Variants in DNM3 observed in about 807,000 individuals in gnomAD.
DNM3 encodes the protein dynamin 3.
A neutral mutation model predicts 101.6 loss-of-function variants in DNM3; 47 were observed. The ratio of observed to expected loss-of-function variants is 0.46; its 90% CI spans 0.37 to 0.59. The LOEUF (loss-of-function observed/expected upper bound fraction) is 0.59. Ranked by LOEUF, DNM3 falls within the 20% of genes least tolerant of loss-of-function variation. The pLI is 0.00. For synonymous variants in DNM3, 385 were observed against 387.9 expected (o/e 0.99, Z 0.09); for missense variants, 849 against 1,085.7 (o/e 0.78, Z 3.06).
At position 171,909,118 on chromosome 1, in the gene DNM3, A is replaced by G. The variant is rs1333516004; in HGVS notation, c.162-12630A>G. Among the ~76,000 whole-genome samples the G allele has an allele frequency of 2.0e-5, 3 of 152,214 alleles. No individual in the cohort carries two copies. In the East Asian group the frequency reaches 5.8e-4, roughly 29 times the overall value. ...CTAACAGTCCCAGTTATGAAAGTGA[A>G]AACAGAAAGCTTTAAGATTATTTAG... On this transcript the variant is annotated intron_variant, in intron 1 of 20. Transcript: ENST00000627582.
chr1:172,014,107 T>C (rs892902389), intron 4 of DNM3, among the ~76,000 whole-genome samples: 2 of 151,836 alleles, frequency 1.3e-5, no homozygotes, highest in African/African-American at 4.8e-5. Context: ...TTTGCAACGG[T>C]GAAAATATGG....
intron 2 of DNM3, among the ~76,000 whole-genome samples, chr1:171,983,398 C>CAGTGAGTAATGATGCACCACTCCA (rs2044975981): frequency 8.1e-4 from 96 of 119,178 alleles, no homozygotes; most frequent in Middle Eastern, 4.2e-3. Context: ...GTTGAGGCTG[C>CAGTGAGTAATGATGCACCACTCCA]CTTAAACCTC....
At chr1:172,238,885 C>T (rs1279946227) in intron 14 of DNM3, among the ~76,000 whole-genome samples, 3 of 151,942 alleles carry the variant, frequency 2.0e-5, no homozygotes, top group African/African-American at 4.8e-5. Context: ...GAGACCCTTG[C>T]TCAGTTTTTA....
At chr1:171,926,997 A>G (rs1269185608) in intron 2 of DNM3, among the ~76,000 whole-genome samples, 1 of 152,178 alleles carries the variant, frequency 6.6e-6, no homozygotes, top group African/African-American at 2.4e-5. Context: ...TAATACAAGG[A>G]TGTCTGCTCT....
At chr1:171,952,050 T>A (rs778328527) in intron 2 of DNM3, among the ~76,000 whole-genome samples, 14 of 152,146 alleles carry the variant, frequency 9.2e-5, no homozygotes, top group Non-Finnish European at 1.6e-4. Context: ...CTCAAGTCAG[T>A]GGAAAAATAT....
chr1:171,933,919 C>T (rs185900136), intron 2 of DNM3, among the ~76,000 whole-genome samples: 6 of 152,204 alleles, frequency 3.9e-5, no homozygotes, highest in Admixed American at 2.0e-4. Flanking sequence ...GTACTTTTAG[C>T]GGTAGAGAGT....
intron 1 of DNM3, among the ~76,000 whole-genome samples, chr1:171,892,174 CGTGTGTGT>C (rs1268192738): frequency 2.0e-5 from 3 of 150,236 alleles, no homozygotes; most frequent in African/African-American, 7.3e-5. Context: ...TGTGTGTGTG[CGTGTGTGT>C]GTGTCTATGT....
At chr1:172,222,652 T>C in intron 14 of DNM3, among the ~76,000 whole-genome samples, 1 of 152,142 alleles carries the variant, frequency 6.6e-6, no homozygotes, top group East Asian at 1.9e-4. Context: ...ATTGGATATG[T>C]TTAAAAAGAG....
chr1:172,415,336 C>G (rs2071388812), downstream of DNM3: 1 of 152,118 alleles, frequency 6.6e-6, no homozygotes, highest in South Asian at 2.1e-4. Context: ...TTTAAATTAC[C>G]TCCATGAGAT....
At chr1:172,214,624 A>T (rs2060629989) in intron 14 of DNM3, among the ~76,000 whole-genome samples, 1 of 152,158 alleles carries the variant, frequency 6.6e-6, no homozygotes, top group African/African-American at 2.4e-5. Flanking sequence ...TTCGAATCTT[A>T]CAGTAACTTA....
intron 15 of DNM3, among the ~76,000 whole-genome samples, chr1:172,262,252 A>T (rs1475396431): frequency 1.3e-5 from 2 of 152,052 alleles, no homozygotes; most frequent in Admixed American, 1.3e-4. Flanking sequence ...GGCATATGAA[A>T]AGGTGTAGTT....
intron 1 of DNM3, among the ~76,000 whole-genome samples, chr1:171,908,963 C>G (rs1365996369): frequency 6.6e-6 from 1 of 152,144 alleles, no homozygotes; most frequent in Non-Finnish European, 1.5e-5. Flanking sequence ...CTGCCTCCTT[C>G]CTTTTCTTCC....
intron 14 of DNM3, among the ~76,000 whole-genome samples, chr1:172,184,859 A>C (rs1256621873): frequency 1.3e-5 from 2 of 152,062 alleles, no homozygotes; most frequent in Non-Finnish European, 1.5e-5. Flanking sequence ...TGTAGCTGAG[A>C]TTTGATCCCC....
rs147489625 is a variant in DNM3, at chr1:171,959,835, C to CTGACCTTA, written c.236-27820_236-27813dup. 2.9e-3 allele frequency among the ~76,000 whole-genome samples: 448 copies of CTGACCTTA among 152,158 alleles called. 4 individuals carry two copies. Among genetic ancestry groups the CTGACCTTA allele is most frequent in the African/African-American group, 0.01 (430 of 41,514 alleles). ...GAGGTCTGGAGTTAGGAGGTTTGTG[C>CTGACCTTA]TGACCTTAGCGAACTCTGTTTCAGA... is the stretch of plus-strand genomic sequence containing the variant. On this transcript the variant is annotated intron_variant, in intron 2 of 20. Coordinates refer to ENST00000627582, the MANE Select transcript of DNM3 (RefSeq NM_015569.5).
At chr1:171,977,764 A>C (rs932889805) in intron 2 of DNM3, among the ~76,000 whole-genome samples, 7 of 152,082 alleles carry the variant, frequency 4.6e-5, no homozygotes, top group African/African-American at 1.7e-4. Context: ...ATTATCTTCT[A>C]TCTGGCCTTT....
At chr1:172,032,104 T>C (rs2048650460) in intron 4 of DNM3, among the ~76,000 whole-genome samples, 1 of 152,200 alleles carries the variant, frequency 6.6e-6, no homozygotes, top group African/African-American at 2.4e-5. Context: ...AAATGTATAA[T>C]TTCCATATAT....
chr1:171,902,298 G>A (rs920510384), intron 1 of DNM3, among the ~76,000 whole-genome samples: 4 of 152,176 alleles, frequency 2.6e-5, no homozygotes, highest in Non-Finnish European at 5.9e-5. Context: ...CAAGAAATAA[G>A]TATTTTAATT....
rs147115427 is a variant in DNM3 at position 172,167,922 on chromosome 1, G to T, written c.1659+36634G>T. Among the ~76,000 whole-genome samples, 20 of 152,098 alleles carry T rather than the reference G, an allele frequency of 1.3e-4. No individual in the cohort carries two copies. In the East Asian group the frequency reaches 3.7e-3, roughly 28 times the overall value. Reference sequence around the variant, plus strand: ...TTGATAACTCATATTACCACAGTAAGATTTTTTTTAAGTGCAATTTCCTGC... The same window carrying T: ...TTGATAACTCATATTACCACAGTAATATTTTTTTTAAGTGCAATTTCCTGC... On this transcript the variant is annotated intron_variant, in intron 14 of 20. Coordinates refer to ENST00000627582, the MANE Select transcript of DNM3 (RefSeq NM_015569.5).
chr1:171,887,721 A>G (rs2036903001), intron 1 of DNM3, among the ~76,000 whole-genome samples: 1 of 152,234 alleles, frequency 6.6e-6, no homozygotes, highest in African/African-American at 2.4e-5. Flanking sequence ...ATCTCTAAAC[A>G]CTTTTGTGTA....
Sources: allele counts gnomAD v4.1 joint callset (sites outside exome capture counted in the v4.1 genomes callset), GRCh38; gene constraint gnomAD v4.1.1; transcripts MANE v1.5; gene names NCBI Gene and HGNC (gene_info 2026-07-23, HGNC 2026-07-21).